Variants in EBF3 observed in about 807,000 individuals in gnomAD.
EBF3 encodes the protein transcription factor COE3.
Under a neutral mutation model 77.1 loss-of-function variants are expected in EBF3, and 18 were observed. The observed-to-expected ratio is 0.23, with a 90% CI of 0.16 to 0.35. EBF3 has a LOEUF of 0.35. Ranked by LOEUF, EBF3 falls within the 10% of genes least tolerant of loss-of-function variation. The pLI is 1.00. For synonymous variants in EBF3, 350 were observed against 343.5 expected, an observed-to-expected ratio of 1.02 and a Z score of -0.21; for missense variants, 558 against 860.0, an observed-to-expected ratio of 0.65 and a Z score of 4.39.
rs868120943 is a variant in EBF3, at chr10:129,938,155, G to A, written c.554+19103C>T. Among the ~76,000 whole-genome samples, 1 of 152,126 alleles carries A rather than the reference G, an allele frequency of 6.6e-6. No individual in the cohort carries two copies. The highest frequency in any genetic ancestry group is 2.4e-5 in the African/African-American group (1 of 41,420). ...TTCTGCTCCTGCTGAGTTTTTGTGC[G>A]AGGCTAGCCCCCCGCATGAGGCTTC... On this transcript the variant is annotated intron_variant, in intron 6 of 16. Coordinates refer to ENST00000440978, the MANE Select transcript of EBF3 (RefSeq NM_001375380.1). The surrounding 1 kb of genome is among the most constrained non-coding windows in gnomAD (Gnocchi z 5.1).
intron 11 of EBF3, among the ~76,000 whole-genome samples, chr10:129,846,722 T>A (rs971345642): frequency 6.6e-6 from 1 of 151,934 alleles, no homozygotes; most frequent in Admixed American, 6.6e-5. Flanking sequence ...AAATCAAATA[T>A]TTATGTTGTT....
In EBF3 at chr10:129,938,672, T is replaced by C. The variant is rs1482124144; in HGVS notation, c.554+18586A>G. ...GCAGAACGCTCCTCCTCCTTGGCTG[T>C]TGTCCACGAGAAAGGTGCGGCTGCA... On this transcript the variant is annotated intron_variant, in intron 6 of 16. Coordinates refer to ENST00000440978, the MANE Select transcript of EBF3 (RefSeq NM_001375380.1). This position sits in a 1 kb window ranked among gnomAD's most constrained non-coding sequence, Gnocchi z 5.1. Among the ~76,000 whole-genome samples the C allele has an allele frequency of 2.0e-5, 3 of 152,232 alleles. No homozygotes were observed. The highest frequency in any genetic ancestry group is 7.2e-5 in the African/African-American group (3 of 41,466).
Position 129,848,968 on chromosome 10 carries a change from TTAA to T in EBF3, c.1040-491_1040-489del, listed in dbSNP as rs1243798100. On this transcript the variant is annotated intron_variant, in intron 10 of 16. Coordinates refer to ENST00000440978, the MANE Select transcript of EBF3 (RefSeq NM_001375380.1). This position sits in a 1 kb window ranked among gnomAD's most constrained non-coding sequence, Gnocchi z 4.4. Reference sequence around the variant, plus strand: ...GAGGAGCACTTATTCTTGCAAAGCTTTAATAATCTGTGAATGGCTGCCTACAAA... The same window carrying T: ...GAGGAGCACTTATTCTTGCAAAGCTTTAATCTGTGAATGGCTGCCTACAAA... Among the ~76,000 whole-genome samples the T allele has an allele frequency of 6.6e-6, 1 of 152,242 alleles. No individual in the cohort carries two copies. The highest frequency in any genetic ancestry group is 2.4e-5 in the African/African-American group (1 of 41,468).
At chr10:129,906,403 G>A (rs1292266963) in intron 6 of EBF3, among the ~76,000 whole-genome samples, 4 of 152,208 alleles carry the variant, frequency 2.6e-5, no homozygotes, top group Non-Finnish European at 1.5e-5. Flanking sequence ...CCATTAAACT[G>A]CTGCAGATTC....
At chr10:129,869,389 C>T (rs575063926) in intron 8 of EBF3, among the ~76,000 whole-genome samples, 72 of 152,202 alleles carry the variant, frequency 4.7e-4, no homozygotes, top group Non-Finnish European at 8.4e-4. Context: ...CCAAGCCACC[C>T]GCCCCCCACC....
At position 129,846,107 on chromosome 10, in the gene EBF3, T is replaced by TG. The variant is rs1850439570; in HGVS notation, c.1128+2284_1128+2285insC. ...TATTGCCTTTATTTTCATTCTGGGC[T>TG]TTGTGTGTGTGTGTGTGTGTGTGTG... On this transcript the variant is annotated intron_variant, in intron 11 of 16. Coordinates refer to ENST00000440978, the MANE Select transcript of EBF3 (RefSeq NM_001375380.1). Among the ~76,000 whole-genome samples the TG allele has an allele frequency of 6.5e-5, 7 of 107,282 alleles. No individual in the cohort carries two copies. The South Asian group carries it at 1.8e-3, about 28-fold the overall frequency. 70.4% of individuals were successfully genotyped at this position (107,282 alleles called of 152,430 possible).
rs537108421 is a variant in EBF3 at position 129,963,547 on chromosome 10, C to T, written c.135-24G>A. 7 of 1,471,064 alleles carry T rather than the reference C, an allele frequency of 4.8e-6. No individual in the cohort carries two copies. In the East Asian group the frequency reaches 1.5e-4, roughly 32 times the overall value. The allele number at this position is 1,471,064 out of a possible 1,614,324, so 91.1% of individuals were successfully genotyped here. A position where few individuals can be genotyped will look rare whatever the true frequency, so the allele number is the denominator to read the frequency against. ...CGCTGCGGGAGGAAAGAGACAGCGG[C>T]CCGGTGAGGAGCGCGGCGCCGGCCG... On this transcript the variant is annotated intron_variant, in intron 1 of 16. Coordinates refer to ENST00000440978, the MANE Select transcript of EBF3 (RefSeq NM_001375380.1). This position sits in a 1 kb window ranked among gnomAD's most constrained non-coding sequence, Gnocchi z 7.1.
At chr10:129,849,142 G>A (rs1850678075) in intron 10 of EBF3, among the ~76,000 whole-genome samples, 1 of 152,204 alleles carries the variant, frequency 6.6e-6, no homozygotes, top group African/African-American at 2.4e-5. Flanking sequence ...CACATGCGCT[G>A]TGTACAGTGC....
Position 129,885,912 on chromosome 10 carries a change from C to T in EBF3, c.555-8063G>A, listed in dbSNP as rs1013511933. 1.3e-5 allele frequency among the ~76,000 whole-genome samples: 2 copies of T among 152,122 alleles called. No homozygotes were observed. Among genetic ancestry groups the T allele is most frequent in the East Asian group, 1.9e-4 (1 of 5,198 alleles). On this transcript the variant is annotated intron_variant, in intron 6 of 16. Transcript: ENST00000440978. The surrounding 1 kb of genome is among the most constrained non-coding windows in gnomAD (Gnocchi z 4.0). ...GGTTTCAAGCCTCTCCCACCATACG[C>T]GTGTGTGTTTTTAGGGATCTGAAGA...
rs753529995 is a variant in EBF3 at position 129,885,134 on chromosome 10, G to A, written c.555-7285C>T. Among the ~76,000 whole-genome samples the A allele has an allele frequency of 2.6e-5, 4 of 152,106 alleles. No individual in the cohort carries two copies. Among genetic ancestry groups the A allele is most frequent in the Non-Finnish European group, 5.9e-5 (4 of 68,028 alleles). ...TTCTTTTCATCACAATTTCAGCAGCGGCTGTCAAGAGGCACTTATAGATAC... is the reference window on the plus strand; with the variant it reads ...TTCTTTTCATCACAATTTCAGCAGCAGCTGTCAAGAGGCACTTATAGATAC... On this transcript the variant is annotated intron_variant, in intron 6 of 16. Coordinates refer to ENST00000440978, the MANE Select transcript of EBF3 (RefSeq NM_001375380.1). The surrounding 1 kb of genome is among the most constrained non-coding windows in gnomAD (Gnocchi z 4.0).
rs1849622970 is a variant in EBF3 at position 129,836,608 on chromosome 10, AAG to A, written c.*1333_*1334del. On this transcript the variant is annotated 3_prime_UTR_variant, in exon 17 of 17. Transcript: ENST00000440978. ...GACTTTTCCTCAAAATAAAAAAAAAAAGGATGGAAAGTCTAAACAATAGCATA... is the reference window on the plus strand; with the variant it reads ...GACTTTTCCTCAAAATAAAAAAAAAAGATGGAAAGTCTAAACAATAGCATA... 1 of 140,708 alleles carries A rather than the reference AAG, an allele frequency of 7.1e-6. No homozygotes were observed. Among genetic ancestry groups the A allele is most frequent in the African/African-American group, 2.7e-5 (1 of 36,584 alleles). 8.7% of individuals were successfully genotyped at this position (140,708 alleles called of 1,614,324 possible). A position where few individuals can be genotyped will look rare whatever the true frequency, so the allele number is the denominator to read the frequency against.
chr10:129,865,956 C>T (rs1254298437), intron 10 of EBF3, among the ~76,000 whole-genome samples: 2 of 152,160 alleles, frequency 1.3e-5, no homozygotes, highest in Non-Finnish European at 2.9e-5. Flanking sequence ...CCACAGTCAC[C>T]CAGCCACTGC....
At chr10:129,951,861 A>G (rs1858707388) in intron 6 of EBF3, among the ~76,000 whole-genome samples, 1 of 152,270 alleles carries the variant, frequency 6.6e-6, no homozygotes, top group African/African-American at 2.4e-5. Flanking sequence ...TTGTGCCTCC[A>G]TAATGCAGCT....
chr10:129,915,036 G>A (rs768074742), intron 6 of EBF3, among the ~76,000 whole-genome samples: 13 of 152,124 alleles, frequency 8.5e-5, no homozygotes, highest in Non-Finnish European at 1.9e-4. Flanking sequence ...GCAAACCCTT[G>A]GGCCCTTCAA....
Position 129,915,284 on chromosome 10 carries a change from G to A in EBF3, c.555-37435C>T, listed in dbSNP as rs1306062993. Among the ~76,000 whole-genome samples, 7 of 152,308 alleles carry A rather than the reference G, an allele frequency of 4.6e-5. No individual in the cohort carries two copies. In the East Asian group the frequency reaches 5.8e-4, roughly 13 times the overall value. On this transcript the variant is annotated intron_variant, in intron 6 of 16. Coordinates refer to ENST00000440978, the MANE Select transcript of EBF3 (RefSeq NM_001375380.1). ...GGGCCCAAGACCCAGGGCCCAGCCC[G>A]GAGCAGGACCCCCCAAAGGATGGCT... is the stretch of plus-strand genomic sequence containing the variant.
chr10:129,910,633 C>CT (rs546653201), intron 6 of EBF3, among the ~76,000 whole-genome samples: 47 of 152,232 alleles, frequency 3.1e-4, no homozygotes, highest in African/African-American at 9.6e-4. Context: ...CACCCAGCTC[C>CT]TACGCTCCCT....
rs1850016389 is a variant in EBF3, at chr10:129,841,064, CATT to C, written c.1373-35_1373-33del. The stretch of plus-strand genomic sequence containing the variant: ...AAATCCCCCCCCCGGCCAAAAATAA[CATT>C]ATTATCAGCGACAGACACTTGGGGG... On this transcript the variant is annotated intron_variant, in intron 13 of 16. Coordinates refer to ENST00000440978, the MANE Select transcript of EBF3 (RefSeq NM_001375380.1). This position sits in a 1 kb window ranked among gnomAD's most constrained non-coding sequence, Gnocchi z 4.6. The C allele has an allele frequency of 6.3e-7, 1 of 1,575,278 alleles. No homozygotes were observed. Among genetic ancestry groups the C allele is most frequent in the Non-Finnish European group, 8.6e-7 (1 of 1,156,742 alleles).
At chr10:129,838,040 C>T in intron 16 of EBF3, 80 bp from the exon 17 acceptor site, 1 of 1,555,136 alleles carries the variant, frequency 6.4e-7, no homozygotes, top group Non-Finnish European at 8.8e-7. Flanking sequence ...GCGGGGCTGC[C>T]CTTCCCCCCT....
chr10:129,957,427 G>A, intron 5 of EBF3, 101 bp from the exon 6 acceptor site: 3 of 950,002 alleles, frequency 3.2e-6, no homozygotes, highest in Non-Finnish European at 4.8e-6. Context: ...GAAGCGGTAG[G>A]AGTCAACTAC....
Sources: allele counts gnomAD v4.1 joint callset (sites outside exome capture counted in the v4.1 genomes callset), GRCh38; gene constraint gnomAD v4.1.1; non-coding constraint Gnocchi (gnomAD v3.1); transcripts MANE v1.5; gene names NCBI Gene and HGNC (gene_info 2026-07-23, HGNC 2026-07-21).